The following LIN7A variants were observed in gnomAD, a reference collection of about 807,000 sequenced individuals.
LIN7A encodes lin-7 cell polarity scaffold A.
A neutral mutation model predicts 29.8 loss-of-function variants in LIN7A; 25 were observed. That is an observed-to-expected ratio of 0.84 (90% confidence interval 0.61 to 1.17). The LOEUF (loss-of-function observed/expected upper bound fraction) is 1.17, where lower values mean the gene tolerates loss of function less well. LIN7A is among the 50% of genes most tolerant of loss of function. The pLI, the probability that LIN7A is intolerant of heterozygous loss-of-function variation, is 0.00. For missense variants in LIN7A, 239 were observed against 287.0 expected, an observed-to-expected ratio of 0.83 and a Z score of 1.21; for synonymous variants, 118 against 107.5, an observed-to-expected ratio of 1.10 and a Z score of -0.60.
At chr12:80,932,477 C>G (rs1030256351) in intron 1 of LIN7A, among the ~76,000 whole-genome samples, 1 of 152,132 alleles carries the variant, frequency 6.6e-6, no homozygotes, top group Non-Finnish European at 1.5e-5. Context: ...ATTTAACTCA[C>G]GGAAAAGTTA....
At chr12:80,889,205 A>G in intron 2 of LIN7A, 46 bp downstream of exon 2, 1 of 977,252 alleles carries the variant, frequency 1.0e-6, no homozygotes, top group Non-Finnish European at 1.7e-6. Context: ...TTTTCTATGA[A>G]GAAGACATAT....
intron 2 of LIN7A, among the ~76,000 whole-genome samples, chr12:80,888,161 G>A (rs1482501260): frequency 6.6e-6 from 1 of 152,092 alleles, no homozygotes; most frequent in Non-Finnish European, 1.5e-5. Context: ...CTTAGGTTGT[G>A]TGCAATATTA....
intron 1 of LIN7A, among the ~76,000 whole-genome samples, chr12:80,890,541 A>G (rs891293161): frequency 6.6e-6 from 1 of 152,186 alleles, no homozygotes; most frequent in Non-Finnish European, 1.5e-5. Flanking sequence ...AATTGTTAGC[A>G]CCTCAGAATC....
chr12:80,822,412 G>T (rs181625528), intron 4 of LIN7A, among the ~76,000 whole-genome samples: 83 of 152,244 alleles, frequency 5.5e-4, no homozygotes, highest in Admixed American at 1.3e-3. Flanking sequence ...ACAAAAATTA[G>T]CTGGGTGTGA....
intron 2 of LIN7A, among the ~76,000 whole-genome samples, chr12:80,871,987 G>A (rs1874450167): frequency 6.6e-6 from 1 of 152,014 alleles, no homozygotes; most frequent in Non-Finnish European, 1.5e-5. Context: ...TTTTAAAGCT[G>A]TAGCTTAACA....
At chr12:80,895,195 ACAT>A (rs1259128392) in intron 1 of LIN7A, among the ~76,000 whole-genome samples, 1 of 152,250 alleles carries the variant, frequency 6.6e-6, no homozygotes, top group Non-Finnish European at 1.5e-5. Context: ...AAAGATGATC[ACAT>A]CATCATCAAC....
intron 4 of LIN7A, among the ~76,000 whole-genome samples, chr12:80,827,593 C>G (rs1872141204): frequency 2.6e-5 from 4 of 152,116 alleles, no homozygotes; most frequent in African/African-American, 9.7e-5. Context: ...CAGGCAGGTC[C>G]AATTATATTT....
intron 1 of LIN7A, among the ~76,000 whole-genome samples, chr12:80,932,138 C>T (rs533142339): frequency 1.1e-4 from 17 of 152,046 alleles, no homozygotes; most frequent in Non-Finnish European, 1.9e-4. Flanking sequence ...AATCGGAAGA[C>T]GCATGAAGTA....
intron 1 of LIN7A, among the ~76,000 whole-genome samples, chr12:80,919,068 A>G (rs1302493710): frequency 6.6e-6 from 1 of 152,244 alleles, no homozygotes; most frequent in Non-Finnish European, 1.5e-5. Context: ...AGTACACTCT[A>G]TGACATTCCC....
At chr12:80,827,098 C>G (rs118048190) in intron 4 of LIN7A, among the ~76,000 whole-genome samples, 4 of 152,218 alleles carry the variant, frequency 2.6e-5, no homozygotes, top group African/African-American at 7.2e-5. Flanking sequence ...TTAATAACAT[C>G]TCCTTCAGGG....
intron 4 of LIN7A, among the ~76,000 whole-genome samples, chr12:80,818,832 G>A (rs1871659385): frequency 1.3e-5 from 2 of 152,160 alleles, no homozygotes; most frequent in Non-Finnish European, 2.9e-5. Flanking sequence ...AATAGTAAAA[G>A]TCATCTTAAG....
intron 4 of LIN7A, among the ~76,000 whole-genome samples, chr12:80,827,215 A>G (rs868785882): frequency 3.9e-5 from 6 of 152,036 alleles, no homozygotes; most frequent in African/African-American, 1.4e-4. Flanking sequence ...GTGAAACCCC[A>G]TCTCTACTAA....
intron 5 of LIN7A, among the ~76,000 whole-genome samples, chr12:80,807,083 T>TTTTTTTTGTTTTTG (rs1555221412): frequency 0.02 from 2,741 of 137,144 alleles, 122 homozygotes; most frequent in Middle Eastern, 0.044. Flanking sequence ...TTTTTTTTTT[T>TTTTTTTTGTTTTTG]TTTTTTTTGA....
intron 2 of LIN7A, among the ~76,000 whole-genome samples, chr12:80,882,168 G>C (rs961969803): frequency 5.3e-5 from 8 of 151,740 alleles, no homozygotes; most frequent in African/African-American, 1.9e-4. Flanking sequence ...TGAATATATA[G>C]GAGTGAAATT....
At chr12:80,933,724 C>T (rs79005840) in intron 1 of LIN7A, among the ~76,000 whole-genome samples, 1,820 of 152,214 alleles carry the variant, frequency 0.012, 40 homozygotes, top group African/African-American at 0.042. Flanking sequence ...GAGGACATTT[C>T]CCCAGGTATC....
chr12:80,804,726 G>A (rs909479457), intron 5 of LIN7A, among the ~76,000 whole-genome samples: 10 of 149,394 alleles, frequency 6.7e-5, no homozygotes, highest in African/African-American at 2.5e-4. Context: ...TCTTTTTTTT[G>A]TATTTTTACT....
intron 2 of LIN7A, among the ~76,000 whole-genome samples, chr12:80,852,443 C>A (rs1873380179): frequency 6.6e-6 from 1 of 152,086 alleles, no homozygotes; most frequent in African/African-American, 2.4e-5. Flanking sequence ...CTTCAAGTAA[C>A]CTACTATCTG....
At chr12:80,807,455 A>C (rs1330632451) in intron 5 of LIN7A, among the ~76,000 whole-genome samples, 1 of 151,338 alleles carries the variant, frequency 6.6e-6, no homozygotes, top group Non-Finnish European at 1.5e-5. Flanking sequence ...GCCAAGTCGT[A>C]TACTTTTAAA....
intron 2 of LIN7A, among the ~76,000 whole-genome samples, chr12:80,854,887 A>G (rs1244359348): frequency 6.6e-6 from 1 of 152,206 alleles, no homozygotes; most frequent in Non-Finnish European, 1.5e-5. Flanking sequence ...AGGGTTTGAA[A>G]CATAAAGACA....
Sources: gnomAD v4.1 joint callset for allele counts (sites outside exome capture counted in the v4.1 genomes callset) on GRCh38, gnomAD v4.1.1 for gene constraint, MANE v1.5 for transcripts, NCBI Gene and HGNC (gene_info 2026-07-23, HGNC 2026-07-21) for gene names.